The following RTF1 variants were observed in gnomAD, a reference collection of about 807,000 sequenced individuals.
RTF1 encodes the protein RTF1 homolog, Paf1/RNA polymerase II complex component.
Under a neutral mutation model 95.7 loss-of-function variants are expected in RTF1, and 10 were observed. That is an observed-to-expected ratio of 0.10 (90% CI 0.06 to 0.18). The LOEUF (loss-of-function observed/expected upper bound fraction) is 0.18. Ranked by LOEUF, RTF1 falls within the 10% of genes least tolerant of loss-of-function variation. The probability of loss-of-function intolerance (pLI) is 1.00; values close to 1 mark genes in which losing one functional copy is unlikely to be tolerated. For synonymous variants in RTF1, 305 were observed against 311.8 expected (o/e 0.98, Z 0.23); for missense variants, 458 against 875.6 (o/e 0.52, Z 6.02).
At chr15:41,445,236 C>T in intron 2 of RTF1, among the ~76,000 whole-genome samples, 1 of 152,100 alleles carries the variant, frequency 6.6e-6, no homozygotes. Context: ...CGCCCGGCCT[C>T]ATGAGCTTTA....
intron 8 of RTF1, among the ~76,000 whole-genome samples, chr15:41,472,427 G>T (rs2050917569): frequency 1.3e-5 from 2 of 151,826 alleles, no homozygotes; most frequent in Admixed American, 6.6e-5. Flanking sequence ...GGCTGGTCTT[G>T]AACTCCTGAC....
chr15:41,417,169 G>C lies in RTF1; in HGVS notation c.54G>C (p.Ala18=). 7.9e-7 allele frequency: 1 copy of C among 1,262,272 alleles called. No individual in the cohort carries two copies. The highest frequency in any genetic ancestry group is 1.5e-5 in the African/African-American group (1 of 64,654). 78.2% of individuals were successfully genotyped at this position (1,262,272 alleles called of 1,614,324 possible). Residue 18 remains alanine, a synonymous_variant, in exon 1 of 18, where the codon GCG becomes GCC. Coordinates refer to ENST00000389629, the MANE Select transcript of RTF1 (RefSeq NM_015138.5). ...GRAAAAAAAV[A]VPLAGGQEGS... is the part of the protein sequence containing the mutation. ...CAGCGGCGGCGGCGGCGGCAGTGGC[G>C]GTCCCACTGGCAGGCGGGCAAGAGG...
rs563031859 is a variant in RTF1, at chr15:41,480,694, C to G, written c.*7C>G. On this transcript the variant is annotated 3_prime_UTR_variant, in exon 18 of 18. Coordinates refer to ENST00000389629, the MANE Select transcript of RTF1 (RefSeq NM_015138.5). ...ACGACGAGGGCTTATTTGAGCACACCCAGCCTGCTGCTTCTGACCCTGCAT... is the reference window on the plus strand; with the variant it reads ...ACGACGAGGGCTTATTTGAGCACACGCAGCCTGCTGCTTCTGACCCTGCAT... The G allele has an allele frequency of 5.0e-6, 8 of 1,597,560 alleles. No individual in the cohort carries two copies. The highest frequency in any genetic ancestry group is 2.2e-5 in the East Asian group (1 of 44,802).
At chr15:41,433,444 C>T (rs978027879) in intron 1 of RTF1, among the ~76,000 whole-genome samples, 3 of 151,706 alleles carry the variant, frequency 2.0e-5, no homozygotes, top group African/African-American at 7.3e-5. Flanking sequence ...AAGTGATTCT[C>T]CCACCTCAGC....
intron 1 of RTF1, among the ~76,000 whole-genome samples, chr15:41,418,493 G>T (rs2050583023): frequency 2.0e-5 from 3 of 152,264 alleles, no homozygotes; most frequent in Admixed American, 2.0e-4. Context: ...CTTCTTGGGG[G>T]TCTTTTATAT....
In RTF1 at chr15:41,417,189, A is replaced by T; in HGVS notation, c.74A>T (p.Gln25Leu). Reference protein sequence around the residue: ...AAVAVPLAGGQEGSPGGGRRG... With the variant: ...AAVAVPLAGGLEGSPGGGRRG... The stretch of plus-strand genomic sequence containing the variant: ...GTGGCGGTCCCACTGGCAGGCGGGC[A>T]AGAGGGGAGTCCGGGCGGCGGCCGG... Residue 25 changes from glutamine to leucine, a missense_variant, in exon 1 of 18, where the codon CAA becomes CTA. Gln to Leu is a moderately radical substitution (Grantham distance 113). This residue lies in a region of RTF1 where 81 missense variants were observed against 59.9 expected (regional missense o/e 1.35). Coordinates refer to ENST00000389629, the MANE Select transcript of RTF1 (RefSeq NM_015138.5). 5 of 1,264,372 alleles carry T rather than the reference A, an allele frequency of 4.0e-6. No homozygotes were observed. Among genetic ancestry groups the T allele is most frequent in the Non-Finnish European group, 5.0e-6 (5 of 1,000,558 alleles). The allele number at this position is 1,264,372 out of a possible 1,614,324, so 78.3% of individuals were successfully genotyped here. A position where few individuals can be genotyped will look rare whatever the true frequency, so the allele number is the denominator to read the frequency against.
At chr15:41,458,505 G>C (rs1227290284) in intron 4 of RTF1, among the ~76,000 whole-genome samples, 2 of 152,106 alleles carry the variant, frequency 1.3e-5, no homozygotes, top group African/African-American at 4.8e-5. Flanking sequence ...TACATACTTT[G>C]GGAGGCCGAG....
At chr15:41,423,062 G>A (rs1003721659) in intron 1 of RTF1, among the ~76,000 whole-genome samples, 3 of 152,076 alleles carry the variant, frequency 2.0e-5, no homozygotes, top group South Asian at 2.1e-4. Flanking sequence ...GTGAACCACC[G>A]TGCCCGGCCA....
chr15:41,422,835 G>C (rs2050609138), intron 1 of RTF1, among the ~76,000 whole-genome samples: 1 of 152,154 alleles, frequency 6.6e-6, no homozygotes, highest in Admixed American at 6.6e-5. Context: ...GAGTGCAGTG[G>C]CGCGATCTTG....
At position 41,481,174 on chromosome 15, in the gene RTF1, TTCTC is replaced by T. The variant is rs1006379661; in HGVS notation, c.*489_*492del. On this transcript the variant is annotated 3_prime_UTR_variant, in exon 18 of 18. Transcript: ENST00000389629. ...GCGATCCTCTTTCCTCTCTTCATCT[TTCTC>T]TTCTGCCCTTCTTTTTGGAAGAAGG... is the stretch of plus-strand genomic sequence containing the variant. 2 of 147,904 alleles carry T rather than the reference TTCTC, an allele frequency of 1.4e-5. No homozygotes were observed. The allele number at this position is 147,904 out of a possible 1,614,324, so 9.2% of individuals were successfully genotyped here. A position where few individuals can be genotyped will look rare whatever the true frequency, so the allele number is the denominator to read the frequency against.
intron 5 of RTF1, 132 bp from the exon 6 acceptor site, chr15:41,466,009 C>A (rs1312521440): frequency 9.3e-6 from 5 of 538,640 alleles, no homozygotes; most frequent in Non-Finnish European, 1.6e-5. Context: ...TGCTCTCTCC[C>A]CTTACATAAA....
At chr15:41,430,108 C>T (rs780210416) in intron 1 of RTF1, among the ~76,000 whole-genome samples, 6 of 149,262 alleles carry the variant, frequency 4.0e-5, no homozygotes, top group Non-Finnish European at 7.4e-5. Context: ...CCTGGGTTCA[C>T]GCAGTTCTCC....
intron 2 of RTF1, among the ~76,000 whole-genome samples, chr15:41,440,995 G>A (rs1417012558): frequency 7.9e-5 from 9 of 113,436 alleles, no homozygotes; most frequent in African/African-American, 2.1e-4. Context: ...TTTTTGAGAC[G>A]GAGTCTCACT....
chr15:41,419,626 G>T (rs2050590319), intron 1 of RTF1, among the ~76,000 whole-genome samples: 1 of 152,142 alleles, frequency 6.6e-6, no homozygotes, highest in African/African-American at 2.4e-5. Context: ...TATTTGGGGG[G>T]ATTTCTTGGT....
At chr15:41,457,098 T>A (rs2050822494) in intron 3 of RTF1, among the ~76,000 whole-genome samples, 1 of 150,688 alleles carries the variant, frequency 6.6e-6, no homozygotes, top group Non-Finnish European at 1.5e-5. Flanking sequence ...ATAATAATAA[T>A]AAATAAGATG....
chr15:41,440,125 C>T (rs537371315), intron 2 of RTF1: 2 of 151,642 alleles, frequency 1.3e-5, no homozygotes, highest in Admixed American at 6.6e-5. Flanking sequence ...TAGTATTTAC[C>T]GGTGCCCTGC....
chr15:41,425,460 C>T (rs180729311), intron 1 of RTF1, among the ~76,000 whole-genome samples: 2 of 152,052 alleles, frequency 1.3e-5, no homozygotes, highest in East Asian at 3.9e-4. Flanking sequence ...TAATAGGAAG[C>T]CATTGAAGGA....
At chr15:41,470,482 G>C in intron 7 of RTF1, 90 bp downstream of exon 7, 1 of 1,366,866 alleles carries the variant, frequency 7.3e-7, no homozygotes, top group Non-Finnish European at 1.0e-6. Flanking sequence ...CCCTGGTTGG[G>C]CCACTAACTC....
intron 5 of RTF1, 99 bp downstream of exon 5, chr15:41,464,984 T>C: frequency 7.1e-7 from 1 of 1,401,634 alleles, no homozygotes; most frequent in Admixed American, 3.2e-5. Flanking sequence ...TGGATTTATA[T>C]TAATCAGCCT....
Sources: allele counts gnomAD v4.1 joint callset (sites outside exome capture counted in the v4.1 genomes callset), GRCh38; gene constraint gnomAD v4.1.1; regional missense constraint gnomAD v4.1.1; transcripts MANE v1.5; gene names NCBI Gene and HGNC (gene_info 2026-07-23, HGNC 2026-07-21).